Variants in SPTAN1 observed in about 807,000 individuals in gnomAD.
SPTAN1 encodes the protein spectrin alpha chain, non-erythrocytic 1.
A neutral mutation model predicts 331.3 loss-of-function variants in SPTAN1; 61 were observed. That is an observed-to-expected ratio of 0.18 (90% confidence interval 0.15 to 0.23). SPTAN1 has a LOEUF of 0.23. Ranked by LOEUF, SPTAN1 falls within the 10% of genes least tolerant of loss-of-function variation. The probability of loss-of-function intolerance (pLI) is 1.00; values close to 1 mark genes in which losing one functional copy is unlikely to be tolerated. For missense variants in SPTAN1, 2,043 were observed against 3,147.9 expected, an observed-to-expected ratio of 0.65 and a Z score of 8.40; for synonymous variants, 1,153 against 1,173.9, an observed-to-expected ratio of 0.98 and a Z score of 0.36.
rs751916872 is a variant in SPTAN1, at chr9:128,627,509, G to A, written c.6689+11G>A. ...GATCCAAGAGACCAGGTGCCAGCCC[G>A]CTGGGGCCGGGGAGCAGCAGCATGT... On this transcript the variant is annotated intron_variant, in intron 50 of 56. Transcript: ENST00000372739. The surrounding 1 kb of genome is among the most constrained non-coding windows in gnomAD (Gnocchi z 4.9). 1.5e-5 allele frequency: 23 copies of A among 1,548,466 alleles called. No homozygotes were observed. Among genetic ancestry groups the A allele is most frequent in the South Asian group, 7.1e-5 (6 of 84,068 alleles).
At position 128,570,645 on chromosome 9, in the gene SPTAN1, C is replaced by CTTAT. The variant is rs546203862; in HGVS notation, c.363+1771_363+1774dup. On this transcript the variant is annotated intron_variant, in intron 3 of 56. Coordinates refer to ENST00000372739, the MANE Select transcript of SPTAN1 (RefSeq NM_001130438.3). ...GAGCCACCGTGCCCAGCCCAGATGG[C>CTTAT]TTATTTATTTATTTATTTATTTATT... Among the ~76,000 whole-genome samples the CTTAT allele has an allele frequency of 1.8e-3, 264 of 149,830 alleles. 1 individual carries two copies. Among genetic ancestry groups the CTTAT allele is most frequent in the East Asian group, 4.6e-3 (23 of 5,024 alleles).
At chr9:128,562,422 G>A (rs532966260) in intron 1 of SPTAN1, among the ~76,000 whole-genome samples, 1 of 152,102 alleles carries the variant, frequency 6.6e-6, no homozygotes, top group Non-Finnish European at 1.5e-5. Flanking sequence ...GATATTAGAT[G>A]GTAGGGTTGG....
At chr9:128,569,612 A>C (rs1199943757) in intron 3 of SPTAN1, among the ~76,000 whole-genome samples, 3 of 151,968 alleles carry the variant, frequency 2.0e-5, no homozygotes, top group African/African-American at 7.3e-5. Flanking sequence ...TTTGATATAC[A>C]TCATGTCTAG....
At chr9:128,562,822 G>T (rs73612934) in intron 1 of SPTAN1, among the ~76,000 whole-genome samples, 125 of 151,742 alleles carry the variant, frequency 8.2e-4, no homozygotes, top group African/African-American at 2.7e-3. Context: ...AATATTAGCC[G>T]GGCGTGATGG....
At chr9:128,587,572 C>T (rs747335429) in intron 19 of SPTAN1, 34 bp from the exon 20 acceptor site, 1 of 1,599,206 alleles carries the variant, frequency 6.3e-7, no homozygotes, top group African/African-American at 1.3e-5. Flanking sequence ...GCTTCAGCCC[C>T]TGCACAGTGC....
chr9:128,577,560 G>A lies in SPTAN1; in HGVS notation c.1085+54G>A. 1 of 1,608,224 alleles carries A rather than the reference G, an allele frequency of 6.2e-7. No individual in the cohort carries two copies. Among genetic ancestry groups the A allele is most frequent in the Non-Finnish European group, 8.5e-7 (1 of 1,177,562 alleles). On this transcript the variant is annotated intron_variant, in intron 8 of 56. Coordinates refer to ENST00000372739, the MANE Select transcript of SPTAN1 (RefSeq NM_001130438.3). This position sits in a 1 kb window ranked among gnomAD's most constrained non-coding sequence, Gnocchi z 4.2. Reference sequence around the variant, plus strand: ...GTATCATTTGGCTTCTTTTTTGGAAGCAGGAATAGCAGAGTTAAGGGTCTG... The same window carrying A: ...GTATCATTTGGCTTCTTTTTTGGAAACAGGAATAGCAGAGTTAAGGGTCTG...
At chr9:128,588,310 A>AT (rs386416287) in intron 20 of SPTAN1, among the ~76,000 whole-genome samples, 3,977 of 114,646 alleles carry the variant, frequency 0.035, 310 homozygotes, top group African/African-American at 0.12. Context: ...TTAAAATGAG[A>AT]TTTTTTTTTT....
rs535572913 is a variant in SPTAN1 at position 128,632,548 on chromosome 9, G to A, written c.7014-24G>A. ...GTTCGGCAGCAGGGCTGCCTGCTGA[G>A]CCGCCCTCGGCTTTGTGCTGCAGAC... On this transcript the variant is annotated intron_variant, in intron 54 of 56. Coordinates refer to ENST00000372739, the MANE Select transcript of SPTAN1 (RefSeq NM_001130438.3). 5.0e-4 allele frequency: 813 copies of A among 1,614,148 alleles called. 12 individuals are homozygous for A. The South Asian group carries it at 8.3e-3, about 16-fold the overall frequency.
chr9:128,560,947 C>A (rs887855319), intron 1 of SPTAN1, among the ~76,000 whole-genome samples: 2 of 126,760 alleles, frequency 1.6e-5, no homozygotes, highest in Non-Finnish European at 3.1e-5. Flanking sequence ...ACCTGGGAGG[C>A]GGATGTTGCT....
intron 24 of SPTAN1, among the ~76,000 whole-genome samples, 191 bp from the exon 25 acceptor site, chr9:128,598,209 A>G (rs1854575878): frequency 6.6e-6 from 1 of 151,722 alleles, no homozygotes. Context: ...GGGCCTCCCA[A>G]AGTGCTGGGA....
intron 39 of SPTAN1, 74 bp downstream of exon 39, chr9:128,612,320 C>A: frequency 1.3e-6 from 2 of 1,591,946 alleles, no homozygotes; most frequent in African/African-American, 1.3e-5. Context: ...CATCAGTGCC[C>A]AAAACCACGA....
intron 45 of SPTAN1, among the ~76,000 whole-genome samples, chr9:128,623,804 G>A (rs1024102247): frequency 1.3e-5 from 2 of 151,632 alleles, no homozygotes; most frequent in Non-Finnish European, 2.9e-5. Flanking sequence ...TCCTTGGACC[G>A]GCTGGGCACT....
Position 128,611,863 on chromosome 9 carries a change from C to G in SPTAN1, c.4905+18C>G, listed in dbSNP as rs751336135. The G allele has an allele frequency of 5.6e-6, 9 of 1,613,980 alleles. No individual in the cohort carries two copies. Among genetic ancestry groups the G allele is most frequent in the South Asian group, 1.1e-5 (1 of 91,084 alleles). ...CTGTCAAGGTATGGCCCACCAGCTCCCGGTGCCCAGGGAGGAAGATGACCA... is the reference window on the plus strand; with the variant it reads ...CTGTCAAGGTATGGCCCACCAGCTCGCGGTGCCCAGGGAGGAAGATGACCA... On this transcript the variant is annotated intron_variant, in intron 38 of 56. Transcript: ENST00000372739.
chr9:128,626,277 C>T (rs1258598441), intron 48 of SPTAN1, 114 bp from the exon 49 acceptor site: 2 of 1,324,890 alleles, frequency 1.5e-6, no homozygotes, highest in Non-Finnish European at 1.1e-6. Context: ...GCTAAGCTCC[C>T]AGCAGGCTGT....
Position 128,603,682 on chromosome 9 carries a change from C to T in SPTAN1, c.3627+92C>T, listed in dbSNP as rs142465036. 54 of 1,481,264 alleles carry T rather than the reference C, an allele frequency of 3.6e-5. No homozygotes were observed. In the African/African-American group the frequency reaches 5.1e-4, roughly 14 times the overall value. The allele number at this position is 1,481,264 out of a possible 1,614,324, so 91.8% of individuals were successfully genotyped here. ...CAGCAGAGCTCTTGTTCTTGTCAAC[C>T]GGGTGACCTGTGACATATCTCACTC... On this transcript the variant is annotated intron_variant, in intron 28 of 56. Transcript: ENST00000372739.
In SPTAN1 at chr9:128,618,965, G is replaced by A; in HGVS notation, c.5695G>A (p.Ala1899Thr). ...GATCAATGAGAAAATGACCCTGGTGGCCAGCGAAGATTATGGCGACACTCT... is the reference window on the plus strand; with the variant it reads ...GATCAATGAGAAAATGACCCTGGTGACCAGCGAAGATTATGGCGACACTCT... ...AWINEKMTLV[A>T]SEDYGDTLAA... is the part of the protein sequence containing the mutation. The change falls in exon 44 of 57, where the codon GCC becomes ACC. Residue 1899 changes from alanine to threonine, a missense_variant. Transcript: ENST00000372739. The A allele has an allele frequency of 6.2e-7, 1 of 1,614,034 alleles. No homozygotes were observed. Among genetic ancestry groups the A allele is most frequent in the South Asian group, 1.1e-5 (1 of 91,090 alleles).
chr9:128,593,311 A>T, intron 23 of SPTAN1: 1 of 535,964 alleles, frequency 1.9e-6, no homozygotes, highest in Non-Finnish European at 3.4e-6. Flanking sequence ...TTTGTGGTGG[A>T]CCAGCCACTA....
intron 40 of SPTAN1, among the ~76,000 whole-genome samples, chr9:128,615,132 G>A (rs1027272148): frequency 6.6e-6 from 1 of 152,156 alleles, no homozygotes; most frequent in East Asian, 1.9e-4. Flanking sequence ...GTAACAAACT[G>A]TCAGTATTCT....
intron 1 of SPTAN1, among the ~76,000 whole-genome samples, chr9:128,560,144 C>T (rs1454768472): frequency 4.2e-5 from 5 of 119,066 alleles, no homozygotes; most frequent in South Asian, 2.8e-4. Context: ...AGTGCAAAGG[C>T]GTGATCTTGG....
Sources: gnomAD v4.1 joint callset for allele counts (sites outside exome capture counted in the v4.1 genomes callset) on GRCh38, gnomAD v4.1.1 for gene constraint, Gnocchi (gnomAD v3.1) non-coding constraint, MANE v1.5 for transcripts, NCBI Gene and HGNC (gene_info 2026-07-23, HGNC 2026-07-21) for gene names.